RDH11: variants seen among roughly 807,000 people sequenced by gnomAD.
RDH11 encodes HCV core-binding protein HCBP12.
Under a neutral mutation model 33.4 loss-of-function variants are expected in RDH11, and 19 were observed. The ratio of observed to expected loss-of-function variants is 0.57; its 90% CI spans 0.40 to 0.83. The LOEUF is 0.83. Among genes scored for constraint, RDH11 ranks in the 40% least tolerant of loss-of-function variants. RDH11 has a pLI of 0.00. For synonymous variants in RDH11, 154 were observed against 155.3 expected, an observed-to-expected ratio of 0.99 and a Z score of 0.06; for missense variants, 353 against 389.0, an observed-to-expected ratio of 0.91 and a Z score of 0.78.
intron 5 of RDH11, among the ~76,000 whole-genome samples, chr14:67,687,041 G>A (rs1021058805): frequency 2.6e-5 from 4 of 152,076 alleles, no homozygotes; most frequent in African/African-American, 4.8e-5. Context: ...CAGTGTTCCC[G>A]ACATGCCCAA....
At chr14:67,693,780 C>T (rs2037786265) in intron 1 of RDH11, among the ~76,000 whole-genome samples, 1 of 151,658 alleles carries the variant, frequency 6.6e-6, no homozygotes, top group Non-Finnish European at 1.5e-5. Context: ...GATTCTCATC[C>T]CTCACCCCCT....
intron 6 of RDH11, among the ~76,000 whole-genome samples, chr14:67,684,313 T>C (rs1332012653): frequency 1.3e-5 from 2 of 152,178 alleles, no homozygotes; most frequent in African/African-American, 4.8e-5. Context: ...CATGTTAAAA[T>C]TTTGATCTTA....
At chr14:67,691,388 T>C in intron 3 of RDH11, 144 bp from the exon 4 acceptor site, 1 of 610,632 alleles carries the variant, frequency 1.6e-6, no homozygotes, top group Non-Finnish European at 2.9e-6. Context: ...TTTTCTATTG[T>C]TTTTCATTTT....
At chr14:67,689,789 C>G (rs1311643419) in intron 5 of RDH11, among the ~76,000 whole-genome samples, 6 of 151,990 alleles carry the variant, frequency 3.9e-5, no homozygotes, top group Non-Finnish European at 1.5e-5. Context: ...ACTAAAAATA[C>G]AAAAATTAGC....
chr14:67,679,427 G>A (rs988292116), intron 6 of RDH11, among the ~76,000 whole-genome samples: 10 of 147,202 alleles, frequency 6.8e-5, no homozygotes, highest in African/African-American at 2.5e-4. Context: ...TTTTGGAGGC[G>A]GAGTCTCACT....
chr14:67,691,248 C>T lies in RDH11; in HGVS notation c.350-4G>A, dbSNP rs367966235. The T allele has an allele frequency of 4.8e-5, 77 of 1,608,798 alleles. No homozygotes were observed. The highest frequency in any genetic ancestry group is 6.5e-5 in the Non-Finnish European group (76 of 1,175,768). ...AAAACGTGGAGGTGCTTTTCCTCTG[C>T]AGGGACAAGACGATGGAGCGTGGAA... On this transcript the variant is annotated splice_region_variant and splice_polypyrimidine_tract_variant and intron_variant, in intron 3 of 6. Transcript: ENST00000381346.
At chr14:67,681,554 G>A (rs1594847738) in intron 6 of RDH11, among the ~76,000 whole-genome samples, 1 of 152,168 alleles carries the variant, frequency 6.6e-6, no homozygotes, top group South Asian at 2.1e-4. Flanking sequence ...AGGCCGAGGA[G>A]GGGGATCACT....
At chr14:67,679,207 T>C (rs1594846759) in intron 6 of RDH11, among the ~76,000 whole-genome samples, 1 of 152,208 alleles carries the variant, frequency 6.6e-6, no homozygotes, top group East Asian at 1.9e-4. Flanking sequence ...CCCAAGATAA[T>C]GAACCCGTTC....
chr14:67,683,137 T>C lies in RDH11; in HGVS notation c.854+1878A>G, dbSNP rs186475198. Among the ~76,000 whole-genome samples the C allele has an allele frequency of 9.3e-4, 141 of 152,274 alleles. 5 individuals carry two copies. The East Asian group carries it at 0.027, about 29-fold the overall frequency. ...GACTTTTATGTTCATTTCTTGATGG[T>C]GGTCTACACGGCTGCTGTTGGATCT... On this transcript the variant is annotated intron_variant, in intron 6 of 6. Coordinates refer to ENST00000381346, the MANE Select transcript of RDH11 (RefSeq NM_016026.4).
At chr14:67,685,860 C>A (rs998628595) in intron 5 of RDH11, among the ~76,000 whole-genome samples, 2 of 152,102 alleles carry the variant, frequency 1.3e-5, no homozygotes, top group African/African-American at 2.4e-5. Flanking sequence ...AAGTGATCTG[C>A]CCACCTCGGC....
At chr14:67,694,739 G>A (rs1284693657) in intron 1 of RDH11, among the ~76,000 whole-genome samples, 1 of 152,050 alleles carries the variant, frequency 6.6e-6, no homozygotes, top group African/African-American at 2.4e-5. Context: ...CACCAGAGAA[G>A]GAAGAGAAAA....
At chr14:67,695,412 G>C (rs2037817758) in intron 1 of RDH11, among the ~76,000 whole-genome samples, 1 of 152,212 alleles carries the variant, frequency 6.6e-6, no homozygotes, top group Non-Finnish European at 1.5e-5. Context: ...GAAAAGCAGT[G>C]TGCCCCGGAC....
intron 6 of RDH11, among the ~76,000 whole-genome samples, chr14:67,681,010 A>G (rs1217856301): frequency 6.6e-6 from 1 of 152,218 alleles, no homozygotes; most frequent in Admixed American, 6.5e-5. Context: ...TTATACTCCA[A>G]TTGTGTTCCC....
At chr14:67,679,764 C>T (rs190662285) in intron 6 of RDH11, among the ~76,000 whole-genome samples, 33 of 152,194 alleles carry the variant, frequency 2.2e-4, no homozygotes, top group Non-Finnish European at 5.9e-5. Flanking sequence ...AAGGACAATT[C>T]TGACTCATTT....
At chr14:67,683,160 T>G (rs914621911) in intron 6 of RDH11, among the ~76,000 whole-genome samples, 16 of 152,202 alleles carry the variant, frequency 1.1e-4, no homozygotes, top group African/African-American at 2.7e-4. Context: ...TGCTGTTGGA[T>G]CTTCAAAATG....
At position 67,690,047 on chromosome 14, in the gene RDH11, C is replaced by A. The variant is rs17104591; in HGVS notation, c.664+165G>T. On this transcript the variant is annotated intron_variant, in intron 5 of 6. Coordinates refer to ENST00000381346, the MANE Select transcript of RDH11 (RefSeq NM_016026.4). ...TCAGAGTCTCACTGTCCCAGCCAGC[C>A]ACCTCCAATATTCAGTTGTAGACTA... is the stretch of plus-strand genomic sequence containing the variant. 2,888 of 609,556 alleles carry A rather than the reference C, an allele frequency of 4.7e-3. 41 individuals carry two copies. Among genetic ancestry groups the A allele is most frequent in the African/African-American group, 0.036 (1,924 of 54,084 alleles). 37.8% of individuals were successfully genotyped at this position (609,556 alleles called of 1,614,324 possible). A position where few individuals can be genotyped will look rare whatever the true frequency, so the allele number is the denominator to read the frequency against.
intron 1 of RDH11, among the ~76,000 whole-genome samples, chr14:67,694,458 A>G (rs1250973330): frequency 7.0e-6 from 1 of 142,904 alleles, no homozygotes; most frequent in East Asian, 2.0e-4. Flanking sequence ...ATATACACAC[A>G]CACACACATA....
chr14:67,692,156 C>G (rs1459253701), intron 3 of RDH11: 1 of 325,138 alleles, frequency 3.1e-6, no homozygotes, highest in Non-Finnish European at 5.7e-6. Context: ...TATTTAGACC[C>G]CAGACCCTAA....
intron 5 of RDH11, among the ~76,000 whole-genome samples, chr14:67,687,003 C>A (rs955803267): frequency 1.3e-5 from 2 of 152,130 alleles, no homozygotes; most frequent in Non-Finnish European, 2.9e-5. Context: ...AAATTGATTT[C>A]TACTTTTAAA....
Sources: allele counts gnomAD v4.1 joint callset (sites outside exome capture counted in the v4.1 genomes callset), GRCh38; gene constraint gnomAD v4.1.1; transcripts MANE v1.5; gene names NCBI Gene and HGNC (gene_info 2026-07-23, HGNC 2026-07-21).